INPP5K: variants seen among roughly 807,000 people sequenced by gnomAD.
INPP5K encodes the protein inositol polyphosphate-5-phosphatase K, also known as inositol polyphosphate 5-phosphatase K.
In INPP5K, 35 loss-of-function variants were observed where a neutral mutation model predicts 53.5. The ratio of observed to expected loss-of-function variants is 0.65; its 90% CI spans 0.50 to 0.87. The LOEUF (loss-of-function observed/expected upper bound fraction) is 0.87, where lower values mean the gene tolerates loss of function less well. Among genes scored for constraint, INPP5K ranks in the 40% least tolerant of loss-of-function variants. The pLI, the probability that INPP5K is intolerant of heterozygous loss-of-function variation, is 0.00. For missense variants in INPP5K, 550 were observed against 586.2 expected (o/e 0.94, Z 0.64); for synonymous variants, 253 against 232.8 (o/e 1.09, Z -0.79).
intron 1 of INPP5K, among the ~76,000 whole-genome samples, chr17:1,514,946 GC>G (rs563567880): frequency 5.7e-4 from 73 of 128,964 alleles, no homozygotes; most frequent in Admixed American, 2.2e-3. Flanking sequence ...TCACTCTGTT[GC>G]CCAGGCTGGA....
Position 1,513,857 on chromosome 17 carries a change from C to G in INPP5K, c.152+15G>C, listed in dbSNP as rs764599051. 1.3e-6 allele frequency: 2 copies of G among 1,582,324 alleles called. No individual in the cohort carries two copies. The highest frequency in any genetic ancestry group is 2.7e-5 in the African/African-American group (2 of 74,320). The stretch of plus-strand genomic sequence containing the variant: ...GACTGGTCAGGGATGGGCGAAGGAG[C>G]CTGCAGATACCTACCCAATAACATA... On this transcript the variant is annotated intron_variant, in intron 2 of 11. Transcript: ENST00000421807.
chr17:1,516,268 C>A, intron 1 of INPP5K, 188 bp downstream of exon 1: 1 of 888,064 alleles, frequency 1.1e-6, no homozygotes, highest in Non-Finnish European at 1.6e-6. Flanking sequence ...GCTTGGCGGC[C>A]TCGGCTTAGA....
intron 7 of INPP5K, 43 bp from the exon 8 acceptor site, chr17:1,498,165 G>C: frequency 6.6e-7 from 1 of 1,525,724 alleles, no homozygotes; most frequent in South Asian, 1.2e-5. Context: ...GGGGAAAGAA[G>C]AAAGGGTTGG....
intron 1 of INPP5K, among the ~76,000 whole-genome samples, 156 bp downstream of exon 1, chr17:1,516,300 A>G (rs2075435587): frequency 6.6e-6 from 1 of 152,212 alleles, no homozygotes. Context: ...GCTCGGGCCC[A>G]ACACAGCCCA....
chr17:1,507,724 T>C (rs1203462441), intron 6 of INPP5K: 3 of 162,496 alleles, frequency 1.8e-5, no homozygotes, highest in African/African-American at 7.2e-5. Flanking sequence ...TTTGTATTTT[T>C]AGTAGAGATG....
intron 7 of INPP5K, among the ~76,000 whole-genome samples, chr17:1,500,958 C>CTTT (rs546504445): frequency 5.9e-5 from 8 of 135,304 alleles, no homozygotes; most frequent in Admixed American, 1.5e-4. Context: ...TATTCAACTG[C>CTTT]TTTTTTTTTT....
chr17:1,509,620 T>G (rs924671239), intron 4 of INPP5K, 63 bp downstream of exon 4: 7 of 1,121,556 alleles, frequency 6.2e-6, no homozygotes, highest in Non-Finnish European at 9.5e-6. Context: ...CTTTTTCTTT[T>G]GCCCAGCTCC....
intron 7 of INPP5K, among the ~76,000 whole-genome samples, chr17:1,500,141 G>A (rs935822567): frequency 6.6e-6 from 1 of 152,190 alleles, no homozygotes; most frequent in African/African-American, 2.4e-5. Context: ...CATCTTCACT[G>A]CCTCCAGAAT....
chr17:1,497,968 G>GAC lies in INPP5K; in HGVS notation c.930_931insGT (p.His311ValfsTer13). Reference sequence around the variant, plus strand: ...TCGAACGTGCCGGAGACAGGCTTGTGGTCGCTGATGCCGTACGTCATGTGG... The same window carrying GAC: ...TCGAACGTGCCGGAGACAGGCTTGTGACGTCGCTGATGCCGTACGTCATGTGG... On this transcript the variant is annotated frameshift_variant, in exon 8 of 12. Coordinates refer to ENST00000421807, the MANE Select transcript of INPP5K (RefSeq NM_016532.4). LOFTEE classifies it high-confidence loss of function. The GAC allele has an allele frequency of 6.2e-7, 1 of 1,614,080 alleles. No homozygotes were observed. The highest frequency in any genetic ancestry group is 8.5e-7 in the Non-Finnish European group (1 of 1,179,950).
chr17:1,509,378 G>A lies in INPP5K; in HGVS notation c.379-25C>T, dbSNP rs374361907. 1.2e-5 allele frequency: 19 copies of A among 1,603,324 alleles called. No homozygotes were observed. The African/African-American group carries it at 2.0e-4, about 17-fold the overall frequency. ...CCTGGTAGAACAGGTCAACAGAAGAGTGGGAAGCTACTCGGGTTGGACACA... is the reference window on the plus strand; with the variant it reads ...CCTGGTAGAACAGGTCAACAGAAGAATGGGAAGCTACTCGGGTTGGACACA... On this transcript the variant is annotated intron_variant, in intron 4 of 11. Coordinates refer to ENST00000421807, the MANE Select transcript of INPP5K (RefSeq NM_016532.4).
In INPP5K at chr17:1,495,755, C is replaced by G; in HGVS notation, c.*68G>C. On this transcript the variant is annotated 3_prime_UTR_variant, in exon 12 of 12. Coordinates refer to ENST00000421807, the MANE Select transcript of INPP5K (RefSeq NM_016532.4). ...GGGGCCAGGCTGGGCCCCCAGCACT[C>G]CCGGCAGTGGAAAGGCAGAGCTGGC... The G allele has an allele frequency of 2.5e-6, 3 of 1,209,866 alleles. No individual in the cohort carries two copies. The highest frequency in any genetic ancestry group is 2.4e-6 in the Non-Finnish European group (2 of 826,954). The allele number at this position is 1,209,866 out of a possible 1,614,324, so 74.9% of individuals were successfully genotyped here. A position where few individuals can be genotyped will look rare whatever the true frequency, so the allele number is the denominator to read the frequency against.
At chr17:1,508,358 G>A in intron 5 of INPP5K, 132 bp from the exon 6 acceptor site, 2 of 712,416 alleles carry the variant, frequency 2.8e-6, no homozygotes, top group South Asian at 1.6e-5. Flanking sequence ...GAGACGCCAG[G>A]GCACGCGTGG....
At chr17:1,508,425 C>G (rs1038707386) in intron 5 of INPP5K, 199 bp from the exon 6 acceptor site, 2 of 573,334 alleles carry the variant, frequency 3.5e-6, no homozygotes, top group Non-Finnish European at 6.2e-6. Flanking sequence ...GAGAGACCTA[C>G]CAAAGAGCCT....
chr17:1,507,020 T>C lies in INPP5K; in HGVS notation c.736A>G (p.Thr246Ala), dbSNP rs746686760. ...FQEGRLLFPP[T>A]YKFDRNSNDY... ...TTGGAGTTCCTATCAAACTTGTAGGTGGGCGGGAAGAGTAGGCGGCCCTCC... is the reference window on the plus strand; with the variant it reads ...TTGGAGTTCCTATCAAACTTGTAGGCGGGCGGGAAGAGTAGGCGGCCCTCC... Residue 246 changes from threonine (T) to alanine (A), a missense_variant, in exon 7 of 12, where the codon ACC becomes GCC. Physicochemically the swap from Thr to Ala is moderately conservative, Grantham distance 58. Transcript: ENST00000421807. 2.5e-6 allele frequency: 4 copies of C among 1,613,912 alleles called. No individual in the cohort carries two copies. The highest frequency in any genetic ancestry group is 4.5e-5 in the East Asian group (2 of 44,874).
chr17:1,511,771 G>A (rs2075315071), intron 3 of INPP5K, among the ~76,000 whole-genome samples: 2 of 147,560 alleles, frequency 1.4e-5, no homozygotes, highest in Admixed American at 1.4e-4. Flanking sequence ...CTCAGGAAAA[G>A]TTTCAGGCTT....
intron 5 of INPP5K, chr17:1,508,511 C>A: frequency 2.4e-6 from 1 of 416,304 alleles, no homozygotes; most frequent in Non-Finnish European, 4.4e-6. Flanking sequence ...CTGAGAAGCC[C>A]TCCTGGTGAC....
At chr17:1,505,352 C>T (rs2075129570) in intron 7 of INPP5K, among the ~76,000 whole-genome samples, 1 of 152,154 alleles carries the variant, frequency 6.6e-6, no homozygotes, top group South Asian at 2.1e-4. Context: ...TCTTGAACTC[C>T]TGGCTTCAAG....
intron 6 of INPP5K, 28 bp from the exon 7 acceptor site, chr17:1,507,117 C>T: frequency 1.3e-6 from 2 of 1,581,904 alleles, no homozygotes; most frequent in Non-Finnish European, 1.7e-6. Flanking sequence ...GTCCCCGTCT[C>T]CCAGTAGTCT....
At position 1,502,249 on chromosome 17, in the gene INPP5K, T is replaced by C. The variant is rs189815861; in HGVS notation, c.777-4127A>G. On this transcript the variant is annotated intron_variant, in intron 7 of 11. Coordinates refer to ENST00000421807, the MANE Select transcript of INPP5K (RefSeq NM_016532.4). ...CTGTAGTCCCAGCTACTCAGGAGGC[T>C]GAGGCAAGAGAATGGCGTGAACCCG... Among the ~76,000 whole-genome samples, 831 of 152,282 alleles carry C rather than the reference T, an allele frequency of 5.5e-3. 3 individuals are homozygous for C. Among genetic ancestry groups the C allele is most frequent in the African/African-American group, 0.019 (803 of 41,544 alleles).
Sources: allele counts gnomAD v4.1 joint callset (sites outside exome capture counted in the v4.1 genomes callset), GRCh38; gene constraint gnomAD v4.1.1; transcripts MANE v1.5; gene names NCBI Gene and HGNC (gene_info 2026-07-23, HGNC 2026-07-21).